LHX9: variants seen among roughly 807,000 people sequenced by gnomAD.
LHX9 encodes the protein LIM homeobox 9.
LHX9 carries 9 observed loss-of-function variants against 36.5 expected under a neutral mutation model. That is an observed-to-expected ratio of 0.25 (90% CI 0.15 to 0.43). LHX9 has a LOEUF of 0.43. LHX9 is among the 20% of genes least tolerant of loss of function. The pLI, the probability that LHX9 is intolerant of heterozygous loss-of-function variation, is 1.00. For missense variants in LHX9, 464 were observed against 526.4 expected (o/e 0.88, Z 1.16); for synonymous variants, 211 against 212.1 (o/e 0.99, Z 0.04).
In LHX9 at chr1:197,921,670, T is replaced by C. The variant is rs1240799712; in HGVS notation, c.733+11T>C. On this transcript the variant is annotated intron_variant, in intron 3 of 4. Transcript: ENST00000367387. This position sits in a 1 kb window ranked among gnomAD's most constrained non-coding sequence, Gnocchi z 4.6. ...TCAATTACAACTCAGGTGTGCCTCC[T>C]ATCCTCACCCCCGGCGCAGCCCCGG... 3 of 1,555,912 alleles carry C rather than the reference T, an allele frequency of 1.9e-6. No homozygotes were observed. The highest frequency in any genetic ancestry group is 2.7e-5 in the African/African-American group (2 of 73,902).
intron 3 of LHX9, among the ~76,000 whole-genome samples, chr1:197,922,225 C>G (rs987798313): frequency 2.6e-5 from 4 of 152,136 alleles, no homozygotes; most frequent in Non-Finnish European, 5.9e-5. Flanking sequence ...CACAGCTGAG[C>G]TAGCCTGTGT....
Position 197,918,005 on chromosome 1 carries a change from AG to A in LHX9, c.174+11del. ...CTCAACGGCCGCGACGCGGTAAGGA[AG>A]GGCTCCGCCGCGGCGGTAGCCGGGC... On this transcript the variant is annotated intron_variant, in intron 1 of 4. Coordinates refer to ENST00000367387, the MANE Select transcript of LHX9 (RefSeq NM_020204.3). The A allele has an allele frequency of 1.2e-6, 2 of 1,607,502 alleles. No individual in the cohort carries two copies. Among genetic ancestry groups the A allele is most frequent in the Non-Finnish European group, 1.7e-6 (2 of 1,177,422 alleles).
Position 197,931,858 on chromosome 1 carries a change from G to A in LHX9, c.*2599G>A. On this transcript the variant is annotated 3_prime_UTR_variant, in exon 5 of 5. Transcript: ENST00000367387. ...ATATTTGTAAATCTAAATAGAAATT[G>A]CAGACCCCTAAAAGCCAAGTTGCTC... 1 of 1,086,764 alleles carries A rather than the reference G, an allele frequency of 9.2e-7. No homozygotes were observed. Among genetic ancestry groups the A allele is most frequent in the Non-Finnish European group, 1.4e-6 (1 of 731,362 alleles). The allele number at this position is 1,086,764 out of a possible 1,614,324, so 67.3% of individuals were successfully genotyped here.
chr1:197,922,984 T>C (rs1571403199), intron 3 of LHX9, among the ~76,000 whole-genome samples: 2 of 152,326 alleles, frequency 1.3e-5, no homozygotes, highest in Middle Eastern at 6.8e-3. Flanking sequence ...AGTCCTGCTC[T>C]GAGTTTAGAG....
At chr1:197,916,573 C>T, upstream of LHX9, 1 of 675,564 alleles carries the variant, frequency 1.5e-6, no homozygotes, top group Middle Eastern at 3.1e-4. Context: ...ATAAGCCGCC[C>T]TATGGCCAAG....
upstream of LHX9, among the ~76,000 whole-genome samples, chr1:197,916,998 A>G (rs1203879748): frequency 6.6e-6 from 1 of 152,172 alleles, no homozygotes; most frequent in Non-Finnish European, 1.5e-5. Flanking sequence ...ACTCGGATCA[A>G]ATAGGCGGGT....
Position 197,921,183 on chromosome 1 carries a change from TC to T in LHX9, c.378-116del, listed in dbSNP as rs1659973256. ...AATAAAATTAATGCCTACTCTCCTG[TC>T]CCCCTGGAACCCTCCCAGGTCCCAG... On this transcript the variant is annotated intron_variant, in intron 2 of 4. Coordinates refer to ENST00000367387, the MANE Select transcript of LHX9 (RefSeq NM_020204.3). This position sits in a 1 kb window ranked among gnomAD's most constrained non-coding sequence, Gnocchi z 4.6. The T allele has an allele frequency of 7.4e-6, 5 of 673,230 alleles. No homozygotes were observed. Among genetic ancestry groups the T allele is most frequent in the South Asian group, 2.0e-5 (1 of 50,374 alleles). 41.7% of individuals were successfully genotyped at this position (673,230 alleles called of 1,614,324 possible).
At chr1:197,912,816 G>C, upstream of LHX9, 1 of 540,932 alleles carries the variant, frequency 1.8e-6, no homozygotes, top group South Asian at 2.2e-5. Context: ...CAGTGTCCGG[G>C]GCGCCAGGCA....
upstream of LHX9, chr1:197,915,752 C>G (rs1301170487): frequency 6.6e-6 from 1 of 152,194 alleles, no homozygotes; most frequent in Non-Finnish European, 1.5e-5. Context: ...CAGAAGACAA[C>G]GCTTTGGGAC....
In LHX9 at chr1:197,917,615, G is replaced by A. The variant is rs778296703; in HGVS notation, c.-209G>A. ...GTTTTCTGCACATCTCCTTCAGGGA[G>A]CCGCTGAGGCTTCCCCCCAACTCTT... is the stretch of plus-strand genomic sequence containing the variant. On this transcript the variant is annotated 5_prime_UTR_variant, in exon 1 of 5. Transcript: ENST00000367387. 4.6e-6 allele frequency: 7 copies of A among 1,509,722 alleles called. No individual in the cohort carries two copies. Among genetic ancestry groups the A allele is most frequent in the Non-Finnish European group, 6.2e-6 (7 of 1,129,900 alleles). 93.5% of individuals were successfully genotyped at this position (1,509,722 alleles called of 1,614,324 possible).
upstream of LHX9, among the ~76,000 whole-genome samples, chr1:197,915,264 T>C (rs1659712632): frequency 6.6e-6 from 1 of 152,178 alleles, no homozygotes; most frequent in Non-Finnish European, 1.5e-5. Context: ...CTTGGGTGAA[T>C]TGACTGAGGG....
At chr1:197,913,857 C>T (rs1442640949), upstream of LHX9, among the ~76,000 whole-genome samples, 1 of 152,180 alleles carries the variant, frequency 6.6e-6, no homozygotes, top group African/African-American at 2.4e-5. Flanking sequence ...AGAGAGAGAC[C>T]TTAAGTCACC....
chr1:197,922,321 A>T (rs1277909603), intron 3 of LHX9, among the ~76,000 whole-genome samples: 1 of 152,144 alleles, frequency 6.6e-6, no homozygotes, highest in Admixed American at 6.5e-5. Flanking sequence ...AACTGAAAGT[A>T]CCTCCAGGTC....
chr1:197,914,858 G>A (rs1001068051), upstream of LHX9, among the ~76,000 whole-genome samples: 2 of 152,210 alleles, frequency 1.3e-5, no homozygotes, highest in Non-Finnish European at 2.9e-5. Flanking sequence ...ATAAGAGCAG[G>A]AATAGCTAGG....
chr1:197,918,564 G>C (rs1659854445), intron 1 of LHX9: 1 of 591,252 alleles, frequency 1.7e-6, no homozygotes, highest in African/African-American at 1.9e-5. Flanking sequence ...GTCCCTCTAA[G>C]GAGACAGCAC....
chr1:197,916,775 A>T, upstream of LHX9: 1 of 703,018 alleles, frequency 1.4e-6, no homozygotes, highest in Non-Finnish European at 2.6e-6. Flanking sequence ...ATGAATTGTC[A>T]GACAGCTGCT....
Position 197,921,551 on chromosome 1 carries a change from G to A in LHX9, c.625G>A (p.Gly209Ser), listed in dbSNP as rs765975854. The A allele has an allele frequency of 3.1e-6, 5 of 1,613,488 alleles. No individual in the cohort carries two copies. The South Asian group carries it at 5.5e-5, about 18-fold the overall frequency. Residue 209 changes from glycine (G) to serine (S), a missense_variant, in exon 3 of 5, where the codon GGC becomes AGC. Gly to Ser is a moderately conservative substitution (Grantham distance 56). Transcript: ENST00000367387. This position sits in a 1 kb window ranked among gnomAD's most constrained non-coding sequence, Gnocchi z 4.6. ...LSYTELAAKS[G>S]GLALPYFNGT... is the part of the protein sequence containing the mutation. ...CTACACGGAGCTGGCGGCCAAGAGC[G>A]GCGGCCTGGCCCTGCCTTACTTCAA...
At position 197,921,688 on chromosome 1, in the gene LHX9, A is replaced by G; in HGVS notation, c.733+29A>G. ...TGCCTCCTATCCTCACCCCCGGCGCAGCCCCGGCCTCCCTGAGGAAAATTC... is the reference window on the plus strand; with the variant it reads ...TGCCTCCTATCCTCACCCCCGGCGCGGCCCCGGCCTCCCTGAGGAAAATTC... On this transcript the variant is annotated intron_variant, in intron 3 of 4. Transcript: ENST00000367387. The surrounding 1 kb of genome is among the most constrained non-coding windows in gnomAD (Gnocchi z 4.6). The G allele has an allele frequency of 3.3e-6, 5 of 1,509,736 alleles. No homozygotes were observed. The highest frequency in any genetic ancestry group is 4.4e-6 in the Non-Finnish European group (5 of 1,129,460). The allele number at this position is 1,509,736 out of a possible 1,614,324, so 93.5% of individuals were successfully genotyped here. A position where few individuals can be genotyped will look rare whatever the true frequency, so the allele number is the denominator to read the frequency against.
intron 1 of LHX9, chr1:197,918,787 GATTA>G (rs923212361): frequency 1.1e-4 from 7 of 65,542 alleles, no homozygotes; most frequent in African/African-American, 4.0e-4. Flanking sequence ...TCCCTTTCCA[GATTA>G]CTAACGGGGG....
Sources: allele counts gnomAD v4.1 joint callset (sites outside exome capture counted in the v4.1 genomes callset), GRCh38; gene constraint gnomAD v4.1.1; non-coding constraint Gnocchi (gnomAD v3.1); transcripts MANE v1.5; gene names NCBI Gene and HGNC (gene_info 2026-07-23, HGNC 2026-07-21).